RBL2: variants seen among roughly 807,000 people sequenced by gnomAD.
RBL2 encodes the protein RB transcriptional corepressor like 2.
A neutral mutation model predicts 126.0 loss-of-function variants in RBL2; 56 were observed. That is an observed-to-expected ratio of 0.44 (90% CI 0.36 to 0.56). RBL2 has a LOEUF of 0.56. RBL2 is among the 20% of genes least tolerant of loss of function. The probability of loss-of-function intolerance (pLI) is 0.00; values close to 1 mark genes in which losing one functional copy is unlikely to be tolerated. For missense variants in RBL2, 1,229 were observed against 1,398.2 expected, an observed-to-expected ratio of 0.88 and a Z score of 1.93; for synonymous variants, 454 against 478.5, an observed-to-expected ratio of 0.95 and a Z score of 0.67.
chr16:53,449,462 G>T (rs2058092394), intron 4 of RBL2: 1 of 151,714 alleles, frequency 6.6e-6, no homozygotes, highest in Admixed American at 6.6e-5. Context: ...GGGCATGTTG[G>T]CATATGCCTG....
intron 18 of RBL2, 98 bp downstream of exon 18, chr16:53,479,323 A>AT (rs1960854345): frequency 9.6e-7 from 1 of 1,046,760 alleles, no homozygotes; most frequent in African/African-American, 1.6e-5. Context: ...TTTTTCCAAG[A>AT]TAAACACCTG....
At chr16:53,442,599 C>G in intron 2 of RBL2, 59 bp from the exon 3 acceptor site, 3 of 1,271,640 alleles carry the variant, frequency 2.4e-6, no homozygotes, top group Non-Finnish European at 3.3e-6. Flanking sequence ...TGAATACTTA[C>G]TTTTGTATAC....
Position 53,453,403 on chromosome 16 carries a change from T to C in RBL2, c.767-49T>C, listed in dbSNP as rs746223992. ...TTTTACATTTTAGTTTATTACAAAT[T>C]GGCTTATTGTGTGCTGATATCTCTG... is the stretch of plus-strand genomic sequence containing the variant. On this transcript the variant is annotated intron_variant, in intron 5 of 21. Transcript: ENST00000262133. 29 of 1,502,952 alleles carry C rather than the reference T, an allele frequency of 1.9e-5. No individual in the cohort carries two copies. In the South Asian group the frequency reaches 3.5e-4, roughly 18 times the overall value. 93.1% of individuals were successfully genotyped at this position (1,502,952 alleles called of 1,614,324 possible).
chr16:53,435,297 G>A (rs1233547376), intron 1 of RBL2, among the ~76,000 whole-genome samples: 1 of 152,138 alleles, frequency 6.6e-6, no homozygotes, highest in Admixed American at 6.5e-5. Flanking sequence ...GTGCTGATGC[G>A]TTTTGGGCTG....
intron 17 of RBL2, among the ~76,000 whole-genome samples, chr16:53,471,336 T>C (rs2058321031): frequency 6.6e-6 from 1 of 152,156 alleles, no homozygotes; most frequent in African/African-American, 2.4e-5. Context: ...TTTTCCAAAG[T>C]ACTGTACCAT....
intron 21 of RBL2, among the ~76,000 whole-genome samples, chr16:53,484,091 G>A (rs116049784): frequency 5.5e-4 from 83 of 152,292 alleles, no homozygotes; most frequent in African/African-American, 1.9e-3. Context: ...TAATTCCAGT[G>A]ATATTCCTAG....
chr16:53,480,016 A>G, intron 19 of RBL2, 25 bp downstream of exon 19: 2 of 1,486,502 alleles, frequency 1.3e-6, no homozygotes, highest in Non-Finnish European at 1.8e-6. Context: ...TGTGAACTAC[A>G]AGACAAAATT....
chr16:53,436,611 G>A (rs2057960849), intron 1 of RBL2, among the ~76,000 whole-genome samples: 1 of 152,140 alleles, frequency 6.6e-6, no homozygotes, highest in Non-Finnish European at 1.5e-5. Context: ...GAGTGCAAGG[G>A]AAAATAAAGC....
At chr16:53,454,229 G>C (rs1263381402) in intron 7 of RBL2, 1 of 453,296 alleles carries the variant, frequency 2.2e-6, no homozygotes, top group Non-Finnish European at 4.4e-6. Flanking sequence ...TTTTGAGATG[G>C]AGTCTCGCTG....
At chr16:53,471,343 C>T (rs1418058677) in intron 17 of RBL2, among the ~76,000 whole-genome samples, 4 of 150,340 alleles carry the variant, frequency 2.7e-5, no homozygotes. Flanking sequence ...AAGTACTGTA[C>T]CATTTTACAC....
intron 8 of RBL2, among the ~76,000 whole-genome samples, chr16:53,458,077 GA>G (rs2058185922): frequency 6.6e-6 from 1 of 152,144 alleles, no homozygotes; most frequent in South Asian, 2.1e-4. Flanking sequence ...CTTAATTATA[GA>G]ATGAATTTCT....
chr16:53,475,373 G>T (rs577856592), intron 17 of RBL2, among the ~76,000 whole-genome samples: 1 of 152,032 alleles, frequency 6.6e-6, no homozygotes, highest in East Asian at 1.9e-4. Flanking sequence ...GTGCCACCTC[G>T]CCCAGCTAGT....
chr16:53,450,547 A>G (rs537685537), intron 4 of RBL2, among the ~76,000 whole-genome samples: 1 of 152,160 alleles, frequency 6.6e-6, no homozygotes, highest in African/African-American at 2.4e-5. Context: ...ACTAGAAATA[A>G]TTCTTAATTT....
At chr16:53,468,731 A>G (rs752565886) in intron 14 of RBL2, among the ~76,000 whole-genome samples, 19 of 152,226 alleles carry the variant, frequency 1.2e-4, no homozygotes, top group African/African-American at 4.6e-4. Context: ...ATTTACTCCT[A>G]TCAGTACTTC....
At position 53,470,940 on chromosome 16, in the gene RBL2, T is replaced by C; in HGVS notation, c.2703+18T>C. On this transcript the variant is annotated intron_variant, in intron 17 of 21. Transcript: ENST00000262133. The stretch of plus-strand genomic sequence containing the variant: ...TGGCAAAGGTGAGTACCATTTGGAA[T>C]TGTAAAGGCAAAGATAGGTCTTCAT... The C allele has an allele frequency of 6.3e-7, 1 of 1,596,198 alleles. No homozygotes were observed.
chr16:53,483,953 G>A (rs918530895), intron 21 of RBL2, among the ~76,000 whole-genome samples: 2 of 134,438 alleles, frequency 1.5e-5, no homozygotes, highest in South Asian at 2.3e-4. Context: ...AGGTGTAAAG[G>A]TGTCACGTGC....
In RBL2 at chr16:53,470,552, G is replaced by A. The variant is rs1187161557; in HGVS notation, c.2415G>A (p.Val805=). Residue 805 remains valine, a synonymous_variant, in exon 16 of 22, where the codon GTG becomes GTA. Coordinates refer to ENST00000262133, the MANE Select transcript of RBL2 (RefSeq NM_005611.4). ...CAACTTTGCAAGTCCCTGGTCAAGT[G>A]GCCATTCAACAGATTTCCCCAGGTG... The part of the protein sequence containing the change: ...TGTTLQVPGQ[V]AIQQISPGGQ... 2 of 1,614,016 alleles carry A rather than the reference G, an allele frequency of 1.2e-6. No individual in the cohort carries two copies. The highest frequency in any genetic ancestry group is 2.2e-5 in the East Asian group (1 of 44,892).
Position 53,453,587 on chromosome 16 carries a change from A to G in RBL2, c.902A>G (p.Tyr301Cys), listed in dbSNP as rs1327038031. ...KGIKEHFWKPYIRKLYEKKLL... is the reference protein window; with the variant it reads ...KGIKEHFWKPCIRKLYEKKLL... The stretch of plus-strand genomic sequence containing the variant: ...ATAAAGGAACATTTCTGGAAACCCT[A>G]TATTAGGAAACTTTATGAAAAAAAG... Residue 301 changes from tyrosine to cysteine, a missense_variant, in exon 6 of 22, where the codon TAT (tyrosine) becomes TGT (cysteine). This residue lies in a region of RBL2 where 1,070 missense variants were observed against 1,274.3 expected (regional missense o/e 0.84). Coordinates refer to ENST00000262133, the MANE Select transcript of RBL2 (RefSeq NM_005611.4). The G allele has an allele frequency of 2.5e-6, 4 of 1,610,496 alleles. No individual in the cohort carries two copies. The highest frequency in any genetic ancestry group is 2.2e-5 in the South Asian group (2 of 90,008).
At chr16:53,438,159 A>G (rs1567724139) in intron 1 of RBL2, among the ~76,000 whole-genome samples, 1 of 152,230 alleles carries the variant, frequency 6.6e-6, no homozygotes. Context: ...TAAGGAATTC[A>G]GGCTGGGGAC....
Sources: gnomAD v4.1 joint callset for allele counts (sites outside exome capture counted in the v4.1 genomes callset) on GRCh38, gnomAD v4.1.1 for gene constraint, gnomAD v4.1.1 regional missense constraint, MANE v1.5 for transcripts, NCBI Gene and HGNC (gene_info 2026-07-23, HGNC 2026-07-21) for gene names.